Variants in WDR1 observed in about 807,000 individuals in gnomAD.
WDR1 encodes WD repeat-containing protein 1.
WDR1 carries 21 observed loss-of-function variants against 71.9 expected under a neutral mutation model. That is an observed-to-expected ratio of 0.29 (90% CI 0.21 to 0.42). The LOEUF (loss-of-function observed/expected upper bound fraction) is 0.42. WDR1 is among the 10% of genes least tolerant of loss of function. The pLI is 1.00. For synonymous variants in WDR1, 424 were observed against 347.4 expected, an observed-to-expected ratio of 1.22 and a Z score of -2.45; for missense variants, 696 against 824.5, an observed-to-expected ratio of 0.84 and a Z score of 1.91.
At chr4:10,102,623 A>G (rs184401897) in intron 3 of WDR1, among the ~76,000 whole-genome samples, 53 of 152,324 alleles carry the variant, frequency 3.5e-4, no homozygotes, top group African/African-American at 1.3e-3. Flanking sequence ...CATTTGTGTT[A>G]GTCGTAAATT....
chr4:10,086,471 C>T (rs368249834), intron 8 of WDR1, among the ~76,000 whole-genome samples: 3 of 152,326 alleles, frequency 2.0e-5, no homozygotes, highest in East Asian at 3.9e-4. Context: ...ACACACACAA[C>T]GTTAACGAGG....
chr4:10,116,702 A>G lies in WDR1; in HGVS notation c.-36T>C. 7.4e-7 allele frequency: 1 copy of G among 1,348,526 alleles called. No individual in the cohort carries two copies. Among genetic ancestry groups the G allele is most frequent in the Non-Finnish European group, 9.6e-7 (1 of 1,042,794 alleles). 83.5% of individuals were successfully genotyped at this position (1,348,526 alleles called of 1,614,324 possible). A position where few individuals can be genotyped will look rare whatever the true frequency, so the allele number is the denominator to read the frequency against. ...TTGTTACCGCGCCGCGCTCGCCGAG[A>G]GCCTCCGGGGCCGGCCCGCGCTGCG... On this transcript the variant is annotated 5_prime_UTR_variant, in exon 1 of 15. Transcript: ENST00000499869.
chr4:10,082,352 G>A (rs568030877), intron 10 of WDR1, among the ~76,000 whole-genome samples: 117 of 152,180 alleles, frequency 7.7e-4, no homozygotes, highest in African/African-American at 2.4e-3. Flanking sequence ...AGGACTACCG[G>A]GTGACAAAGG....
chr4:10,089,422 A>G (rs1711821678), intron 5 of WDR1, among the ~76,000 whole-genome samples: 1 of 152,230 alleles, frequency 6.6e-6, no homozygotes, highest in Admixed American at 6.5e-5. Flanking sequence ...TAACTTTTAA[A>G]CAAAGTTAAT....
intron 13 of WDR1, 76 bp downstream of exon 13, chr4:10,077,677 C>A: frequency 6.8e-7 from 1 of 1,478,016 alleles, no homozygotes; most frequent in Non-Finnish European, 9.0e-7. Context: ...CTCAAGGTCA[C>A]CAAGTCACAG....
chr4:10,114,530 T>C (rs1448739370), intron 2 of WDR1, among the ~76,000 whole-genome samples: 1 of 152,224 alleles, frequency 6.6e-6, no homozygotes, highest in Non-Finnish European at 1.5e-5. Flanking sequence ...TGGAAGTCAA[T>C]GTGGACTGCA....
intron 3 of WDR1, among the ~76,000 whole-genome samples, chr4:10,100,146 C>T (rs1248789064): frequency 1.3e-5 from 2 of 152,240 alleles, no homozygotes; most frequent in African/African-American, 4.8e-5. Context: ...TTAACAACCA[C>T]CACAGCTCTA....
At chr4:10,091,024 G>A (rs964816784) in intron 5 of WDR1, among the ~76,000 whole-genome samples, 11 of 152,250 alleles carry the variant, frequency 7.2e-5, no homozygotes, top group African/African-American at 2.7e-4. Flanking sequence ...TGAGCGATGG[G>A]GCTGGCGAGC....
At chr4:10,116,349 G>C (rs1297103571) in intron 1 of WDR1, 115 bp from the exon 2 acceptor site, 9 of 1,461,858 alleles carry the variant, frequency 6.2e-6, no homozygotes, top group Non-Finnish European at 8.4e-6. Context: ...TGCGCCGGGA[G>C]GGCGGCCTCC....
intron 3 of WDR1, among the ~76,000 whole-genome samples, chr4:10,100,966 A>C (rs1712648806): frequency 6.6e-6 from 1 of 152,242 alleles, no homozygotes. Context: ...CATGGAGAAG[A>C]CATTGCTCTC....
At chr4:10,113,861 T>C (rs1233297180) in intron 2 of WDR1, among the ~76,000 whole-genome samples, 1 of 152,216 alleles carries the variant, frequency 6.6e-6, no homozygotes, top group Non-Finnish European at 1.5e-5. Flanking sequence ...TGTTCCCTTT[T>C]AGGGGAAGAG....
rs191361406 is a variant in WDR1 at position 10,107,916 on chromosome 4, G to A, written c.139-3930C>T. ...CATTTGAAGCAGAAGCTTTGGACTT[G>A]ACCCGGGAGGCCATTCTACTCTGTC... On this transcript the variant is annotated intron_variant, in intron 2 of 14. Transcript: ENST00000499869. 1.2e-4 allele frequency among the ~76,000 whole-genome samples: 18 copies of A among 152,282 alleles called. No homozygotes were observed. The East Asian group carries it at 3.3e-3, about 28-fold the overall frequency.
At chr4:10,086,103 T>C (rs1181427888) in intron 8 of WDR1, among the ~76,000 whole-genome samples, 3 of 152,206 alleles carry the variant, frequency 2.0e-5, no homozygotes, top group African/African-American at 7.2e-5. Flanking sequence ...CTGTCGGGGA[T>C]GGCTCATGGG....
intron 5 of WDR1, among the ~76,000 whole-genome samples, chr4:10,095,254 G>A (rs1309577431): frequency 4.6e-5 from 7 of 152,252 alleles, no homozygotes; most frequent in African/African-American, 1.7e-4. Flanking sequence ...GGGGAAAAAA[G>A]ACCACTGCTA....
At chr4:10,104,647 TA>T (rs1371546265) in intron 2 of WDR1, among the ~76,000 whole-genome samples, 2 of 152,110 alleles carry the variant, frequency 1.3e-5, no homozygotes, top group Admixed American at 1.3e-4. Flanking sequence ...GTGCTAAAAG[TA>T]GATCCCTGCG....
chr4:10,107,843 G>A (rs1444036969), intron 2 of WDR1, among the ~76,000 whole-genome samples: 3 of 152,184 alleles, frequency 2.0e-5, no homozygotes, highest in South Asian at 2.1e-4. Flanking sequence ...GCATGTAACA[G>A]CACCCAGCCC....
intron 5 of WDR1, 47 bp from the exon 6 acceptor site, chr4:10,088,788 T>G: frequency 3.5e-6 from 5 of 1,438,570 alleles, no homozygotes; most frequent in Non-Finnish European, 4.8e-6. Flanking sequence ...CAGGCCTGAC[T>G]CTAGGTTCAA....
At chr4:10,110,953 A>C (rs929136475) in intron 2 of WDR1, among the ~76,000 whole-genome samples, 7 of 152,236 alleles carry the variant, frequency 4.6e-5, no homozygotes, top group African/African-American at 1.7e-4. Context: ...TCTGTGGCTT[A>C]GGGTATGGCT....
At chr4:10,102,949 G>C (rs1712770048) in intron 3 of WDR1, among the ~76,000 whole-genome samples, 1 of 152,172 alleles carries the variant, frequency 6.6e-6, no homozygotes, top group African/African-American at 2.4e-5. Flanking sequence ...GAATGAATGA[G>C]TGAGTGAATG....
Sources: allele counts gnomAD v4.1 joint callset (sites outside exome capture counted in the v4.1 genomes callset), GRCh38; gene constraint gnomAD v4.1.1; transcripts MANE v1.5; gene names NCBI Gene and HGNC (gene_info 2026-07-23, HGNC 2026-07-21).